The following GPR15 variants were observed in gnomAD, a reference collection of about 807,000 sequenced individuals.
The protein encoded by GPR15 is G protein-coupled receptor 15.
In GPR15, 16 loss-of-function variants were observed where a neutral mutation model predicts 19.3. The observed-to-expected ratio is 0.83, with a 90% CI of 0.56 to 1.26. The LOEUF is 1.26. GPR15 is among the 50% of genes most tolerant of loss of function. The pLI, the probability that GPR15 is intolerant of heterozygous loss-of-function variation, is 0.00. For missense variants in GPR15, 458 were observed against 429.4 expected, an observed-to-expected ratio of 1.07 and a Z score of -0.59; for synonymous variants, 170 against 171.2, an observed-to-expected ratio of 0.99 and a Z score of 0.05.
Position 98,532,203 on chromosome 3 carries a change from C to T in GPR15, c.170C>T (p.Ala57Val). 6.2e-7 allele frequency: 1 copy of T among 1,614,094 alleles called. No homozygotes were observed. Among genetic ancestry groups the T allele is most frequent in the Non-Finnish European group, 8.5e-7 (1 of 1,179,992 alleles). ...GVLGNLVLMG[A>V]LHFKPGSRRL... Reference sequence around the variant, plus strand: ...CTGGGGAACCTTGTTCTCATGGGAGCGTTGCATTTCAAACCCGGCAGCCGA... The same window carrying T: ...CTGGGGAACCTTGTTCTCATGGGAGTGTTGCATTTCAAACCCGGCAGCCGA... Residue 57 changes from alanine to valine, a missense_variant, in exon 1 of 1, where the codon GCG (alanine) becomes GTG (valine). Transcript: ENST00000284311.
Position 98,533,522 on chromosome 3 carries a change from G to C in GPR15, c.*406G>C, listed in dbSNP as rs1009646353. Among the ~76,000 whole-genome samples the C allele has an allele frequency of 2.0e-5, 3 of 152,114 alleles. No individual in the cohort carries two copies. Among genetic ancestry groups the C allele is most frequent in the African/African-American group, 4.8e-5 (2 of 41,406 alleles). On this transcript the variant is annotated 3_prime_UTR_variant, in exon 1 of 1. Transcript: ENST00000284311. The stretch of plus-strand genomic sequence containing the variant: ...AATTGGACTACATTTAAATGATTCT[G>C]CCTACTTTCATCTGATGAGAAATGC...
chr3:98,532,359 G>GC lies in GPR15; in HGVS notation c.327dup (p.Ser110LeufsTer21). 6.2e-7 allele frequency: 1 copy of GC among 1,614,168 alleles called. No individual in the cohort carries two copies. The highest frequency in any genetic ancestry group is 2.2e-5 in the East Asian group (1 of 44,876). On this transcript the variant is annotated frameshift_variant, in exon 1 of 1. Transcript: ENST00000284311. LOFTEE classifies it high-confidence loss of function. ...ACGGGCTCCTTCCTGTGCAAAGGGA[G>GC]CTCCTACATGATCTCCGTCAATATG... is the stretch of plus-strand genomic sequence containing the variant.
Position 98,532,366 on chromosome 3 carries a change from C to G in GPR15, c.333C>G (p.Tyr111Ter). ...CCTTCCTGTGCAAAGGGAGCTCCTA[C>G]ATGATCTCCGTCAATATGCACTGCA... Reference protein sequence around the residue: ...TGSFLCKGSSYMISVNMHCSV... With the variant: ...TGSFLCKGSS Residue 111 changes from tyrosine (Y) to a stop codon, truncating the protein, a stop_gained, in exon 1 of 1, where the codon TAC becomes TAG. Transcript: ENST00000284311. LOFTEE classifies it high-confidence loss of function. The G allele has an allele frequency of 1.9e-6, 3 of 1,614,154 alleles. No homozygotes were observed. The South Asian group carries it at 3.3e-5, about 18-fold the overall frequency.
rs1272806846 is a variant in GPR15 at position 98,533,762 on chromosome 3, G to A, written c.*646G>A. On this transcript the variant is annotated 3_prime_UTR_variant, in exon 1 of 1. Coordinates refer to ENST00000284311, the MANE Select transcript of GPR15 (RefSeq NM_005290.4). ...ATTTTGTATTGTGTTTATGATTTGGGACTTACTTTATCATATGGTCTTCTA... is the reference window on the plus strand; with the variant it reads ...ATTTTGTATTGTGTTTATGATTTGGAACTTACTTTATCATATGGTCTTCTA... Among the ~76,000 whole-genome samples the A allele has an allele frequency of 1.3e-5, 2 of 152,060 alleles. No homozygotes were observed. Among genetic ancestry groups the A allele is most frequent in the Non-Finnish European group, 2.9e-5 (2 of 68,014 alleles).
At position 98,532,274 on chromosome 3, in the gene GPR15, A is replaced by G. The variant is rs1706648283; in HGVS notation, c.241A>G (p.Ile81Val). Residue 81 changes from isoleucine (I) to valine (V), a missense_variant, in exon 1 of 1, where the codon ATT becomes GTT. Transcript: ENST00000284311. The part of the protein sequence containing the change: ...FIINLAASDF[I>V]FLVTLPLWVD... The stretch of plus-strand genomic sequence containing the variant: ...CATCAATCTGGCTGCCTCTGACTTC[A>G]TTTTTCTTGTCACATTGCCTCTCTG... 6.2e-7 allele frequency: 1 copy of G among 1,613,804 alleles called. No individual in the cohort carries two copies. Among genetic ancestry groups the G allele is most frequent in the South Asian group, 1.1e-5 (1 of 91,060 alleles).
Position 98,532,107 on chromosome 3 carries a change from C to T in GPR15, c.74C>T (p.Thr25Ile), listed in dbSNP as rs758838891. The change falls in exon 1 of 1, where the codon ACC becomes ATC. Residue 25 changes from threonine to isoleucine, a missense_variant. Coordinates refer to ENST00000284311, the MANE Select transcript of GPR15 (RefSeq NM_005290.4). ...ATSPNSDIRE[T>I]HSHVPYTSVF... ...AGCCCAAACTCTGACATCAGGGAGACCCACTCCCATGTTCCTTACACCTCT... is the reference window on the plus strand; with the variant it reads ...AGCCCAAACTCTGACATCAGGGAGATCCACTCCCATGTTCCTTACACCTCT... 3.1e-6 allele frequency: 5 copies of T among 1,613,864 alleles called. No individual in the cohort carries two copies. Among genetic ancestry groups the T allele is most frequent in the East Asian group, 2.2e-5 (1 of 44,894 alleles).
rs918085522 is a variant in GPR15, at chr3:98,533,634, T to C, written c.*518T>C. On this transcript the variant is annotated 3_prime_UTR_variant, in exon 1 of 1. Coordinates refer to ENST00000284311, the MANE Select transcript of GPR15 (RefSeq NM_005290.4). Reference sequence around the variant, plus strand: ...TTACTAAGCTAGATTCTGACCTCAATCTTTAAAGCTTTGTATCGTGATTCT... The same window carrying C: ...TTACTAAGCTAGATTCTGACCTCAACCTTTAAAGCTTTGTATCGTGATTCT... 1.8e-4 allele frequency among the ~76,000 whole-genome samples: 28 copies of C among 152,240 alleles called. No individual in the cohort carries two copies. Among genetic ancestry groups the C allele is most frequent in the Admixed American group, 2.6e-4 (4 of 15,282 alleles).
In GPR15 at chr3:98,532,961, C is replaced by T. The variant is rs761878617; in HGVS notation, c.928C>T (p.Arg310Cys). 4.5e-5 allele frequency: 72 copies of T among 1,613,896 alleles called. No homozygotes were observed. The highest frequency in any genetic ancestry group is 8.9e-5 in the East Asian group (4 of 44,872). The change falls in exon 1 of 1, where the codon CGC becomes TGC. Residue 310 changes from arginine to cysteine, a missense_variant. Coordinates refer to ENST00000284311, the MANE Select transcript of GPR15 (RefSeq NM_005290.4). ...FIYYIFDSYIRRAIVHCLCPC... is the reference protein window; with the variant it reads ...FIYYIFDSYICRAIVHCLCPC... ...TTACTATATCTTCGACAGCTACATC[C>T]GCCGGGCCATTGTCCACTGCTTGTG... is the stretch of plus-strand genomic sequence containing the variant.
Position 98,532,519 on chromosome 3 carries a change from C to A in GPR15, c.486C>A (p.Cys162Ter). The change falls in exon 1 of 1, where the codon TGC becomes TGA. Residue 162 changes from cysteine to a stop codon, truncating the protein, a stop_gained. Coordinates refer to ENST00000284311, the MANE Select transcript of GPR15 (RefSeq NM_005290.4). LOFTEE classifies it high-confidence loss of function. The stretch of plus-strand genomic sequence containing the variant: ...GTGCCAGCATCTGGTTTATCTCCTG[C>A]CTGCTGGGGTTGCCTACTCTTCTGT... ...VVCASIWFIS[C>*]LLGLPTLLSR... is the part of the protein sequence containing the mutation. 6.2e-7 allele frequency: 1 copy of A among 1,614,158 alleles called. No individual in the cohort carries two copies. Among genetic ancestry groups the A allele is most frequent in the Non-Finnish European group, 8.5e-7 (1 of 1,180,016 alleles).
chr3:98,532,829 G>T lies in GPR15; in HGVS notation c.796G>T (p.Val266Phe), dbSNP rs774596866. 2 of 1,614,008 alleles carry T rather than the reference G, an allele frequency of 1.2e-6. No homozygotes were observed. Among genetic ancestry groups the T allele is most frequent in the South Asian group, 1.1e-5 (1 of 91,072 alleles). Reference protein sequence around the residue: ...PFNTFKFLAIVSGLRQEHYLP... With the variant: ...PFNTFKFLAIFSGLRQEHYLP... ...CAATACTTTCAAGTTCCTGGCCATT[G>T]TCTCTGGGTTGCGGCAAGAACACTA... The change falls in exon 1 of 1, where the codon GTC becomes TTC. Residue 266 changes from valine (V) to phenylalanine (F), a missense_variant. By Grantham distance (50) the Val-to-Phe change is conservative. Transcript: ENST00000284311.
At position 98,533,450 on chromosome 3, in the gene GPR15, A is replaced by G. The variant is rs1054592350; in HGVS notation, c.*334A>G. On this transcript the variant is annotated 3_prime_UTR_variant, in exon 1 of 1. Transcript: ENST00000284311. ...TGCACATTTGGGCCTTTCCTCTCTC[A>G]AAAACCATGGTACCTTCATCCCCAC... Among the ~76,000 whole-genome samples the G allele has an allele frequency of 2.0e-5, 3 of 152,150 alleles. No individual in the cohort carries two copies. Among genetic ancestry groups the G allele is most frequent in the African/African-American group, 7.2e-5 (3 of 41,438 alleles).
In GPR15 at chr3:98,531,984, A is replaced by C. The variant is rs1706638114; in HGVS notation, c.-50A>C. ...CTTGAGGTTTCTAAAATTTATACAA[A>C]AACATCATATGTAAGTAAACTCACC... On this transcript the variant is annotated 5_prime_UTR_variant, in exon 1 of 1. Coordinates refer to ENST00000284311, the MANE Select transcript of GPR15 (RefSeq NM_005290.4). 1.3e-6 allele frequency: 2 copies of C among 1,528,216 alleles called. No homozygotes were observed. The highest frequency in any genetic ancestry group is 8.8e-7 in the Non-Finnish European group (1 of 1,139,036). The allele number at this position is 1,528,216 out of a possible 1,614,324, so 94.7% of individuals were successfully genotyped here.
rs1706658203 is a variant in GPR15 at position 98,532,775 on chromosome 3, G to A, written c.742G>A (p.Ala248Thr). 5 of 1,613,826 alleles carry A rather than the reference G, an allele frequency of 3.1e-6. No homozygotes were observed. The highest frequency in any genetic ancestry group is 4.2e-6 in the Non-Finnish European group (5 of 1,179,882). The change falls in exon 1 of 1, where the codon GCA becomes ACA. Residue 248 changes from alanine to threonine, a missense_variant. Ala to Thr is a moderately conservative substitution (Grantham distance 58). Transcript: ENST00000284311. ...TATAAAGATCATCTTTATTGTCGTG[G>A]CAGCCTTTCTTGTCTCCTGGCTGCC... is the stretch of plus-strand genomic sequence containing the variant. The part of the protein sequence containing the change: ...KSIKIIFIVV[A>T]AFLVSWLPFN...
chr3:98,534,041 G>A lies in GPR15; in HGVS notation c.*925G>A, dbSNP rs1196838918. Among the ~76,000 whole-genome samples the A allele has an allele frequency of 6.6e-6, 1 of 152,086 alleles. No individual in the cohort carries two copies. The highest frequency in any genetic ancestry group is 1.5e-5 in the Non-Finnish European group (1 of 68,002). On this transcript the variant is annotated 3_prime_UTR_variant, in exon 1 of 1. Coordinates refer to ENST00000284311, the MANE Select transcript of GPR15 (RefSeq NM_005290.4). Reference sequence around the variant, plus strand: ...ATTGGAACTCATAAAATGCTTAGCTGTACCCCGATGCAGATTATCATTTTG... The same window carrying A: ...ATTGGAACTCATAAAATGCTTAGCTATACCCCGATGCAGATTATCATTTTG...
chr3:98,531,991 A>T lies in GPR15; in HGVS notation c.-43A>T, dbSNP rs761639420. The T allele has an allele frequency of 1.3e-6, 2 of 1,543,678 alleles. No homozygotes were observed. On this transcript the variant is annotated 5_prime_UTR_variant, in exon 1 of 1. Coordinates refer to ENST00000284311, the MANE Select transcript of GPR15 (RefSeq NM_005290.4). The stretch of plus-strand genomic sequence containing the variant: ...TTTCTAAAATTTATACAAAAACATC[A>T]TATGTAAGTAAACTCACCAGATTTG...
At position 98,531,978 on chromosome 3, in the gene GPR15, A is replaced by G. The variant is rs548453533; in HGVS notation, c.-56A>G. The G allele has an allele frequency of 6.6e-7, 1 of 1,519,154 alleles. No individual in the cohort carries two copies. Among genetic ancestry groups the G allele is most frequent in the South Asian group, 1.3e-5 (1 of 74,492 alleles). The allele number at this position is 1,519,154 out of a possible 1,614,324, so 94.1% of individuals were successfully genotyped here. ...AGCTTCCTTGAGGTTTCTAAAATTTATACAAAAACATCATATGTAAGTAAA... is the reference window on the plus strand; with the variant it reads ...AGCTTCCTTGAGGTTTCTAAAATTTGTACAAAAACATCATATGTAAGTAAA... On this transcript the variant is annotated 5_prime_UTR_variant, in exon 1 of 1. Transcript: ENST00000284311.
Position 98,532,424 on chromosome 3 carries a change from C to A in GPR15, c.391C>A (p.Arg131Ser). 1 of 1,614,102 alleles carries A rather than the reference C, an allele frequency of 6.2e-7. No individual in the cohort carries two copies. The change falls in exon 1 of 1, where the codon CGC becomes AGC. Residue 131 changes from arginine to serine, a missense_variant. Arg to Ser is a moderately radical substitution (Grantham distance 110, BLOSUM62 -1). Transcript: ENST00000284311. ...VLLLTCMSVD[R>S]YLAIVWPVVS... ...CCTGCTCACTTGCATGAGTGTTGAC[C>A]GCTACCTGGCCATTGTGTGGCCAGT...
chr3:98,532,142 C>T lies in GPR15; in HGVS notation c.109C>T (p.Pro37Ser), dbSNP rs2230344. The T allele has an allele frequency of 0.16, 258,971 of 1,613,950 alleles. 24,252 individuals carry two copies. Among genetic ancestry groups the T allele is most frequent in the East Asian group, 0.36 (16,259 of 44,872 alleles). Residue 37 changes from proline (P) to serine (S), a missense_variant, in exon 1 of 1, where the codon CCA becomes TCA. Physicochemically the swap from Pro to Ser is moderately conservative, Grantham distance 74. Coordinates refer to ENST00000284311, the MANE Select transcript of GPR15 (RefSeq NM_005290.4). ...TGTTCCTTACACCTCTGTCTTCCTT[C>T]CAGTCTTTTACACAGCTGTGTTCCT... ...SHVPYTSVFL[P>S]VFYTAVFLTG...
At position 98,532,264 on chromosome 3, in the gene GPR15, C is replaced by A. The variant is rs145405027; in HGVS notation, c.231C>A (p.Ala77=). The change falls in exon 1 of 1, where the codon GCC becomes GCA. Residue 77 remains alanine (A), a synonymous_variant. Transcript: ENST00000284311. Reference sequence around the variant, plus strand: ...ACATCTTTATCATCAATCTGGCTGCCTCTGACTTCATTTTTCTTGTCACAT... The same window carrying A: ...ACATCTTTATCATCAATCTGGCTGCATCTGACTTCATTTTTCTTGTCACAT... The part of the protein sequence containing the change: ...LIDIFIINLA[A]SDFIFLVTLP... 8.7e-6 allele frequency: 14 copies of A among 1,614,062 alleles called. No individual in the cohort carries two copies. The African/African-American group carries it at 1.9e-4, about 22-fold the overall frequency.
Sources: allele counts gnomAD v4.1 joint callset (sites outside exome capture counted in the v4.1 genomes callset), GRCh38; gene constraint gnomAD v4.1.1; transcripts MANE v1.5; gene names NCBI Gene and HGNC (gene_info 2026-07-23, HGNC 2026-07-21).